MYO15A: variants seen among roughly 807,000 people sequenced by gnomAD.
MYO15A encodes myosin XVA.
A neutral mutation model predicts 394.6 loss-of-function variants in MYO15A; 308 were observed. The ratio of observed to expected loss-of-function variants is 0.78; its 90% CI spans 0.71 to 0.86. The LOEUF (loss-of-function observed/expected upper bound fraction) is 0.86. Among genes scored for constraint, MYO15A ranks in the 40% least tolerant of loss-of-function variants. MYO15A has a pLI of 0.00. For missense variants in MYO15A, 4,606 were observed against 4,799.1 expected, an observed-to-expected ratio of 0.96 and a Z score of 1.19; for synonymous variants, 1,957 against 2,003.8, an observed-to-expected ratio of 0.98 and a Z score of 0.62.
In MYO15A at chr17:18,146,083, C is replaced by T. The variant is rs111948619; in HGVS notation, c.6485C>T (p.Pro2162Leu). The stretch of plus-strand genomic sequence containing the variant: ...TGCCTCAGTGGCTTTGCACCTTCCC[C>T]GTGCTTCAACAAGTACCTTCTCAAG... ...AACLSGFAPS[P>L]CFNKYLLKFV... Residue 2162 changes from proline to leucine, a missense_variant, in exon 30 of 66, where the codon CCG (proline) becomes CTG (leucine). Pro to Leu is a moderately conservative substitution (Grantham distance 98). Coordinates refer to ENST00000647165, the MANE Select transcript of MYO15A (RefSeq NM_016239.4). 6.7e-5 allele frequency: 108 copies of T among 1,613,766 alleles called. No homozygotes were observed. Among genetic ancestry groups the T allele is most frequent in the Admixed American group, 1.3e-4 (8 of 59,984 alleles).
intron 61 of MYO15A, among the ~76,000 whole-genome samples, chr17:18,167,373 G>A (rs1455866389): frequency 6.6e-6 from 1 of 152,238 alleles, no homozygotes; most frequent in Admixed American, 6.5e-5. Context: ...CAAGGTTGCT[G>A]TGGGGACTCC....
rs1338603862 is a variant in MYO15A, at chr17:18,151,291, G to C, written c.7654+1G>C. On this transcript the variant is annotated splice_donor_variant, in intron 39 of 65. Transcript: ENST00000647165. LOFTEE classifies it high-confidence loss of function. ...CAGGATCAGGCTTCTCCAGAAACCA[G>C]TGAGTGCCCTATCCCAGCCTCTGGG... 2.0e-5 allele frequency: 32 copies of C among 1,614,084 alleles called. No individual in the cohort carries two copies. The highest frequency in any genetic ancestry group is 2.7e-5 in the Non-Finnish European group (32 of 1,180,046).
In MYO15A at chr17:18,156,292, C is replaced by T; in HGVS notation, c.8557C>T (p.Gln2853Ter). The T allele has an allele frequency of 6.2e-7, 1 of 1,614,192 alleles. No individual in the cohort carries two copies. The highest frequency in any genetic ancestry group is 8.5e-7 in the Non-Finnish European group (1 of 1,180,024). Residue 2853 changes from glutamine (Q) to a stop codon, truncating the protein, a stop_gained, in exon 48 of 66, where the codon CAG becomes TAG. Coordinates refer to ENST00000647165, the MANE Select transcript of MYO15A (RefSeq NM_016239.4). LOFTEE classifies it high-confidence loss of function. ...CATCCTCTTCTCAGCCCGAGCGCAC[C>T]AGGTCAAGACCCTGGTAGATGACTT... ...KVILFSARAH[Q>*]VKTLVDDFIL...
At position 18,121,349 on chromosome 17, in the gene MYO15A, C is replaced by A. The variant is rs1452153022; in HGVS notation, c.2549C>A (p.Pro850His). 2.1e-6 allele frequency: 3 copies of A among 1,453,582 alleles called. No homozygotes were observed. Among genetic ancestry groups the A allele is most frequent in the Non-Finnish European group, 2.7e-6 (3 of 1,109,768 alleles). 90.0% of individuals were successfully genotyped at this position (1,453,582 alleles called of 1,614,324 possible). A position where few individuals can be genotyped will look rare whatever the true frequency, so the allele number is the denominator to read the frequency against. ...GGCTCACCCAGGCCGCCCTCGCCGC[C>A]CCTGGGGCTCTGCCACAGCCCGCGG... ...LPGSPRPPSP[P>H]LGLCHSPRRS... The change falls in exon 2 of 66, where the codon CCC becomes CAC. Residue 850 changes from proline (P) to histidine (H), a missense_variant. Pro to His is a moderately conservative substitution (Grantham distance 77, BLOSUM62 -2). Around this residue, in one of 2 missense-constraint regions of MYO15A, gnomAD observed 1,830 missense variants for 1,689.7 expected, o/e 1.08. Coordinates refer to ENST00000647165, the MANE Select transcript of MYO15A (RefSeq NM_016239.4). The surrounding 1 kb of genome is among the most constrained non-coding windows in gnomAD (Gnocchi z 5.3).
chr17:18,128,214 T>C (rs917515521), intron 7 of MYO15A, among the ~76,000 whole-genome samples: 3 of 151,814 alleles, frequency 2.0e-5, no homozygotes, highest in Non-Finnish European at 4.4e-5. Flanking sequence ...GGCTGGGCAG[T>C]GGAGGAGGAG....
chr17:18,120,653 A>T lies in MYO15A; in HGVS notation c.1853A>T (p.Asp618Val). Residue 618 changes from aspartate to valine, a missense_variant, in exon 2 of 66, where the codon GAC (aspartate) becomes GTC (valine). This residue lies in a region of MYO15A where 1,830 missense variants were observed against 1,689.7 expected (regional missense o/e 1.08). Transcript: ENST00000647165. ...TTCGGCTACAAGCTGGCTGGCATGGACCCCGAGAAGCCCGGCACGCCCATC... is the reference window on the plus strand; with the variant it reads ...TTCGGCTACAAGCTGGCTGGCATGGTCCCCGAGAAGCCCGGCACGCCCATC... ...KRFGYKLAGM[D>V]PEKPGTPIVL... The T allele has an allele frequency of 6.3e-7, 1 of 1,591,832 alleles. No individual in the cohort carries two copies. The highest frequency in any genetic ancestry group is 8.5e-7 in the Non-Finnish European group (1 of 1,173,400).
rs986431739 is a variant in MYO15A at position 18,163,109 on chromosome 17, C to A, written c.9613-135C>A. ...CAGGGGCTTGCAGACAGGCCCTGCG[C>A]GGTCCAGGTGCTCAAGTGTTCCTAC... is the stretch of plus-strand genomic sequence containing the variant. On this transcript the variant is annotated intron_variant, in intron 58 of 65. Transcript: ENST00000647165. The A allele has an allele frequency of 5.4e-5, 48 of 896,080 alleles. 1 individual carries two copies. The highest frequency in any genetic ancestry group is 3.4e-4 in the Admixed American group (20 of 58,868). 55.5% of individuals were successfully genotyped at this position (896,080 alleles called of 1,614,324 possible). A position where few individuals can be genotyped will look rare whatever the true frequency, so the allele number is the denominator to read the frequency against.
rs2045932268 is a variant in MYO15A, at chr17:18,121,542, G to T, written c.2742G>T (p.Glu914Asp). ...LEHRESPREP[E>D]DSETPWTVPP... ...ACCGGGAGAGCCCGCGAGAACCCGAGGACTCAGAGACGCCCTGGACTGTGC... is the reference window on the plus strand; with the variant it reads ...ACCGGGAGAGCCCGCGAGAACCCGATGACTCAGAGACGCCCTGGACTGTGC... The change falls in exon 2 of 66, where the codon GAG (glutamate) becomes GAT (aspartate). Residue 914 changes from glutamate to aspartate, a missense_variant. By Grantham distance (45) the Glu-to-Asp change is conservative. Coordinates refer to ENST00000647165, the MANE Select transcript of MYO15A (RefSeq NM_016239.4). The surrounding 1 kb of genome is among the most constrained non-coding windows in gnomAD (Gnocchi z 5.3). 2 of 1,578,540 alleles carry T rather than the reference G, an allele frequency of 1.3e-6. No individual in the cohort carries two copies. The highest frequency in any genetic ancestry group is 2.3e-5 in the South Asian group (2 of 85,922).
At position 18,125,226 on chromosome 17, in the gene MYO15A, A is replaced by T. The variant is rs755138984; in HGVS notation, c.3751A>T (p.Ile1251Phe). 1 of 1,613,848 alleles carries T rather than the reference A, an allele frequency of 6.2e-7. No homozygotes were observed. Among genetic ancestry groups the T allele is most frequent in the Non-Finnish European group, 8.5e-7 (1 of 1,179,900 alleles). The change falls in exon 4 of 66, where the codon ATC becomes TTC. Residue 1251 changes from isoleucine (I) to phenylalanine (F), a missense_variant. Coordinates refer to ENST00000647165, the MANE Select transcript of MYO15A (RefSeq NM_016239.4). ...NLKIRFERNL[I>F]YTYIGSILVS... ...CAAGATTAGATTTGAACGGAACCTC[A>T]TCTACGTAAGGCCTGGGGCTGGCCC...
At chr17:18,113,834 AC>A (rs1322549570) in intron 1 of MYO15A, among the ~76,000 whole-genome samples, 1 of 130,876 alleles carries the variant, frequency 7.6e-6, no homozygotes, top group East Asian at 2.0e-4. Context: ...ACACACACAC[AC>A]ACACACTCTT....
chr17:18,164,072 C>T, intron 60 of MYO15A: 2 of 574,010 alleles, frequency 3.5e-6, no homozygotes, highest in Admixed American at 5.3e-5. Context: ...TCTCTCATCC[C>T]TCCCTTTGTC....
rs1194926371 is a variant in MYO15A, at chr17:18,127,074, G to T, written c.3942-1G>T. ...CTCACTCTGCCCCTTTGCTCGGTCA[G>T]TGGAGAGAGCGGCTCTGGCAAAACT... On this transcript the variant is annotated splice_acceptor_variant, in intron 6 of 65. Coordinates refer to ENST00000647165, the MANE Select transcript of MYO15A (RefSeq NM_016239.4). LOFTEE classifies it high-confidence loss of function. 1.2e-6 allele frequency: 2 copies of T among 1,613,980 alleles called. No homozygotes were observed. Among genetic ancestry groups the T allele is most frequent in the African/African-American group, 2.7e-5 (2 of 74,920 alleles).
chr17:18,144,109 G>C, intron 28 of MYO15A, 109 bp downstream of exon 28: 1 of 1,528,586 alleles, frequency 6.5e-7, no homozygotes, highest in Non-Finnish European at 8.9e-7. Flanking sequence ...TGTGGTGTTG[G>C]GTATGAGCCT....
chr17:18,129,682 T>G (rs981813713), intron 7 of MYO15A, among the ~76,000 whole-genome samples: 1 of 152,112 alleles, frequency 6.6e-6, no homozygotes, highest in Non-Finnish European at 1.5e-5. Context: ...GGCATGTCAT[T>G]TCACCTCTCT....
chr17:18,148,963 A>G lies in MYO15A; in HGVS notation c.6956+11A>G. The stretch of plus-strand genomic sequence containing the variant: ...GGGAGGCCCCAAAGTGTAGGTAGCT[A>G]TGGGGGACCCCCTCACAGATGGCCA... On this transcript the variant is annotated intron_variant, in intron 33 of 65. Coordinates refer to ENST00000647165, the MANE Select transcript of MYO15A (RefSeq NM_016239.4). The surrounding 1 kb of genome is among the most constrained non-coding windows in gnomAD (Gnocchi z 4.8). The G allele has an allele frequency of 6.3e-7, 1 of 1,579,156 alleles. No homozygotes were observed. Among genetic ancestry groups the G allele is most frequent in the Non-Finnish European group, 8.6e-7 (1 of 1,162,632 alleles).
intron 62 of MYO15A, 120 bp downstream of exon 62, chr17:18,167,843 G>A (rs2046877271): frequency 6.9e-7 from 1 of 1,456,432 alleles, no homozygotes. Context: ...TTATACCAGT[G>A]GGGCTATCTG....
intron 62 of MYO15A, among the ~76,000 whole-genome samples, chr17:18,169,133 TAATAATAATAATAATAATAATAATAAA>T (rs1381145683): frequency 7.7e-6 from 1 of 130,418 alleles, no homozygotes; most frequent in African/African-American, 2.9e-5. Flanking sequence ...ATAATAATAA[TAATAATAATAATAATAATAATAATAAA>T]AATAGGCTGG....
In MYO15A at chr17:18,147,984, A is replaced by G; in HGVS notation, c.6510-45A>G. ...ACCCCGCAGCCCTCAGCCCCAAGCTAGCTTCAGATCCTTCTTGATCCTGGC... is the reference window on the plus strand; with the variant it reads ...ACCCCGCAGCCCTCAGCCCCAAGCTGGCTTCAGATCCTTCTTGATCCTGGC... On this transcript the variant is annotated intron_variant, in intron 30 of 65. Transcript: ENST00000647165. The surrounding 1 kb of genome is among the most constrained non-coding windows in gnomAD (Gnocchi z 4.4). 6.2e-7 allele frequency: 1 copy of G among 1,612,118 alleles called. No homozygotes were observed. Among genetic ancestry groups the G allele is most frequent in the Non-Finnish European group, 8.5e-7 (1 of 1,178,528 alleles).
Position 18,151,026 on chromosome 17 carries a change from ACCCAT to A in MYO15A, c.7474-82_7474-78del, listed in dbSNP as rs370596095. ...CCTCTTTGAGCCCAGGAGCTCCACA[ACCCAT>A]CTCTGACAGAGATCTGGAGTCCCAG... On this transcript the variant is annotated intron_variant, in intron 38 of 65. Transcript: ENST00000647165. 1.0e-4 allele frequency: 165 copies of A among 1,606,670 alleles called. No homozygotes were observed. In the African/African-American group the frequency reaches 1.9e-3, roughly 18 times the overall value.
Sources: gnomAD v4.1 joint callset for allele counts (sites outside exome capture counted in the v4.1 genomes callset) on GRCh38, gnomAD v4.1.1 for gene constraint, gnomAD v4.1.1 regional missense constraint, Gnocchi (gnomAD v3.1) non-coding constraint, MANE v1.5 for transcripts, NCBI Gene and HGNC (gene_info 2026-07-23, HGNC 2026-07-21) for gene names.